The following SPPL2A variants were observed in gnomAD, a reference collection of about 807,000 sequenced individuals.
The protein encoded by SPPL2A is signal peptide peptidase-like 2A.
A neutral mutation model predicts 63.8 loss-of-function variants in SPPL2A; 51 were observed. The ratio of observed to expected loss-of-function variants is 0.80; its 90% confidence interval spans 0.64 to 1.01. SPPL2A has a LOEUF of 1.01. Ranked by LOEUF, SPPL2A falls within the 50% of genes least tolerant of loss-of-function variation. The pLI, the probability that SPPL2A is intolerant of heterozygous loss-of-function variation, is 0.00. For missense variants in SPPL2A, 553 were observed against 622.7 expected (o/e 0.89, Z 1.19); for synonymous variants, 188 against 205.8 (o/e 0.91, Z 0.74).
intron 8 of SPPL2A, among the ~76,000 whole-genome samples, chr15:50,733,431 CCT>C (rs1170166166): frequency 2.6e-5 from 4 of 152,032 alleles, no homozygotes; most frequent in South Asian, 2.1e-4. Context: ...CTTATATCCC[CCT>C]CTTTCTTGCA....
chr15:50,725,492 C>CACTGCA (rs369901072), intron 11 of SPPL2A, 169 bp from the exon 12 acceptor site: 16,530 of 479,686 alleles, frequency 0.034, 2,559 homozygotes, highest in African/African-American at 0.32. Flanking sequence ...GATCTCAGCT[C>CACTGCA]ACTGCAACTG....
At chr15:50,757,784 T>C (rs1177393718) in intron 1 of SPPL2A, among the ~76,000 whole-genome samples, 1 of 152,050 alleles carries the variant, frequency 6.6e-6, no homozygotes, top group Admixed American at 6.6e-5. Context: ...ATTTTAATGT[T>C]TCCAGCCTGT....
intron 1 of SPPL2A, among the ~76,000 whole-genome samples, chr15:50,755,035 C>T (rs775026375): frequency 1.4e-4 from 20 of 144,298 alleles, no homozygotes; most frequent in Admixed American, 4.2e-4. Flanking sequence ...AACGCAAATT[C>T]GGGGCCGGGC....
chr15:50,750,156 T>G (rs763660360), intron 1 of SPPL2A, among the ~76,000 whole-genome samples: 1 of 152,142 alleles, frequency 6.6e-6, no homozygotes, highest in Admixed American at 6.5e-5. Flanking sequence ...TAGACTGGAG[T>G]GCAGTAGCAC....
chr15:50,715,477 A>G (rs192346648), intron 14 of SPPL2A, among the ~76,000 whole-genome samples: 1 of 152,312 alleles, frequency 6.6e-6, no homozygotes, highest in Non-Finnish European at 1.5e-5. Flanking sequence ...ATTTCCAAAG[A>G]AATGCAATGT....
chr15:50,746,412 T>C (rs2062857581), intron 5 of SPPL2A, among the ~76,000 whole-genome samples: 1 of 123,680 alleles, frequency 8.1e-6, no homozygotes, highest in Admixed American at 1.1e-4. Flanking sequence ...TACTCCAGCC[T>C]GGCAACAGAG....
At chr15:50,711,484 T>A (rs1465092622) in intron 14 of SPPL2A, among the ~76,000 whole-genome samples, 1 of 152,236 alleles carries the variant, frequency 6.6e-6, no homozygotes, top group Non-Finnish European at 1.5e-5. Flanking sequence ...CTGCTGGGAT[T>A]ACAGGCGTGA....
intron 1 of SPPL2A, among the ~76,000 whole-genome samples, chr15:50,751,319 T>C (rs1463521997): frequency 6.6e-6 from 1 of 152,232 alleles, no homozygotes; most frequent in Non-Finnish European, 1.5e-5. Context: ...TCTGATTCAA[T>C]GTCACTGTTT....
At chr15:50,741,771 G>T (rs2062822720) in intron 5 of SPPL2A, among the ~76,000 whole-genome samples, 1 of 151,600 alleles carries the variant, frequency 6.6e-6, no homozygotes, top group Non-Finnish European at 1.5e-5. Flanking sequence ...GTTGATACCA[G>T]CCTGGCCAAC....
At chr15:50,747,450 T>C in intron 5 of SPPL2A, 45 bp downstream of exon 5, 1 of 1,522,764 alleles carries the variant, frequency 6.6e-7, no homozygotes, top group African/African-American at 1.4e-5. Context: ...ATTGCAGAAA[T>C]TTTTAACCAT....
intron 1 of SPPL2A, among the ~76,000 whole-genome samples, chr15:50,765,055 T>C (rs2063046151): frequency 6.6e-6 from 1 of 151,936 alleles, no homozygotes; most frequent in Non-Finnish European, 1.5e-5. Context: ...ACTGGCGCCT[T>C]GTATAATTTT....
In SPPL2A at chr15:50,748,196, G is replaced by C; in HGVS notation, c.367C>G (p.Pro123Ala). Residue 123 changes from proline (P) to alanine (A), a missense_variant, in exon 4 of 15, where the codon CCC (proline) becomes GCC (alanine). By Grantham distance (27) the Pro-to-Ala change is conservative. Transcript: ENST00000261854. ...LVVNNSVLFP[P>A]SGNRSEFPDV... ...GGAAATTCAGATCTGTTACCTGAGG[G>C]AGGAAACTAAAAAAGAAAAAATTAT... 2.8e-6 allele frequency: 4 copies of C among 1,445,584 alleles called. No homozygotes were observed. Among genetic ancestry groups the C allele is most frequent in the Non-Finnish European group, 3.7e-6 (4 of 1,081,412 alleles). The allele number at this position is 1,445,584 out of a possible 1,614,324, so 89.5% of individuals were successfully genotyped here. A position where few individuals can be genotyped will look rare whatever the true frequency, so the allele number is the denominator to read the frequency against.
intron 13 of SPPL2A, 53 bp from the exon 14 acceptor site, chr15:50,720,153 G>A: frequency 6.8e-7 from 1 of 1,464,642 alleles, no homozygotes; most frequent in East Asian, 2.3e-5. Context: ...CCAAAGGTGG[G>A]TTTTTTCCTC....
At chr15:50,707,980 T>C (rs537793688) in intron 14 of SPPL2A, 106 bp from the exon 15 acceptor site, 2 of 689,392 alleles carry the variant, frequency 2.9e-6, no homozygotes, top group African/African-American at 3.5e-5. Context: ...GATTGCTCTA[T>C]GAAACTGAGC....
Position 50,748,737 on chromosome 15 carries a change from G to A in SPPL2A, c.311C>T (p.Ala104Val), listed in dbSNP as rs535221557. 38 of 1,611,494 alleles carry A rather than the reference G, an allele frequency of 2.4e-5. No homozygotes were observed. In the South Asian group the frequency reaches 3.6e-4, roughly 15 times the overall value. The change falls in exon 3 of 15, where the codon GCA becomes GTA. Residue 104 changes from alanine to valine, a missense_variant. Ala to Val is a moderately conservative substitution (Grantham distance 64, BLOSUM62 0). Coordinates refer to ENST00000261854, the MANE Select transcript of SPPL2A (RefSeq NM_032802.4). ...SCHFLEKARIAQKGGAEAMLV... is the reference protein window; with the variant it reads ...SCHFLEKARIVQKGGAEAMLV... ...CATTGCTTCAGCACCTCCTTTCTGT[G>A]CAATTCTGGCTTTTTCAAGAAAATG... is the stretch of plus-strand genomic sequence containing the variant.
chr15:50,744,005 T>G (rs2062840509), intron 5 of SPPL2A, among the ~76,000 whole-genome samples: 1 of 151,382 alleles, frequency 6.6e-6, no homozygotes, highest in Admixed American at 6.6e-5. Context: ...CGAAACCCCA[T>G]CTCTACTAAA....
chr15:50,758,487 CT>C (rs934750820), intron 1 of SPPL2A, among the ~76,000 whole-genome samples: 193 of 151,520 alleles, frequency 1.3e-3, no homozygotes, highest in African/African-American at 4.5e-3. Flanking sequence ...AGGTGCCCCC[CT>C]GGCCCATTTT....
At chr15:50,756,405 G>C (rs12915708) in intron 1 of SPPL2A, among the ~76,000 whole-genome samples, 37,115 of 146,776 alleles carry the variant, frequency 0.25, 5,560 homozygotes, top group East Asian at 0.55. Flanking sequence ...AACATTACAA[G>C]TGCCAAATTA....
chr15:50,740,441 A>G (rs1012248168), intron 5 of SPPL2A, among the ~76,000 whole-genome samples: 9 of 148,948 alleles, frequency 6.0e-5, no homozygotes, highest in African/African-American at 1.9e-4. Context: ...AAAAAAAAAA[A>G]AAAAGAAAAA....
Sources: gnomAD v4.1 joint callset for allele counts (sites outside exome capture counted in the v4.1 genomes callset) on GRCh38, gnomAD v4.1.1 for gene constraint, MANE v1.5 for transcripts, NCBI Gene and HGNC (gene_info 2026-07-23, HGNC 2026-07-21) for gene names.